HOMER1: variants seen among roughly 807,000 people sequenced by gnomAD.
HOMER1 encodes homer scaffold protein 1, also known as homer protein homolog 1.
In HOMER1, 3 loss-of-function variants were observed where a neutral mutation model predicts 48.9. That is an observed-to-expected ratio of 0.06 (90% CI 0.03 to 0.16). The LOEUF (loss-of-function observed/expected upper bound fraction) is 0.16. Ranked by LOEUF, HOMER1 falls within the 10% of genes least tolerant of loss-of-function variation. HOMER1 has a pLI of 1.00. For synonymous variants in HOMER1, 134 were observed against 146.4 expected (o/e 0.92, Z 0.61); for missense variants, 247 against 411.4 (o/e 0.60, Z 3.46).
chr5:79,447,160 A>T lies in HOMER1; in HGVS notation c.295-15T>A. On this transcript the variant is annotated splice_polypyrimidine_tract_variant and intron_variant, in intron 3 of 8. Coordinates refer to ENST00000334082, the MANE Select transcript of HOMER1 (RefSeq NM_004272.5). ...TTTTCTGCAAACTGAATGTATAGAG[A>T]CTACATACATTAACCAAATAAAAAT... 6.7e-7 allele frequency: 1 copy of T among 1,488,254 alleles called. No homozygotes were observed. The highest frequency in any genetic ancestry group is 9.4e-7 in the Non-Finnish European group (1 of 1,066,748). 92.2% of individuals were successfully genotyped at this position (1,488,254 alleles called of 1,614,324 possible). A position where few individuals can be genotyped will look rare whatever the true frequency, so the allele number is the denominator to read the frequency against.
At chr5:79,454,332 A>T (rs1479816210) in intron 2 of HOMER1, among the ~76,000 whole-genome samples, 1 of 152,108 alleles carries the variant, frequency 6.6e-6, no homozygotes, top group African/African-American at 2.4e-5. Context: ...CTAATAAAGG[A>T]GGATTGTTAT....
At chr5:79,465,279 G>A (rs1049637041) in intron 1 of HOMER1, among the ~76,000 whole-genome samples, 2 of 151,972 alleles carry the variant, frequency 1.3e-5, no homozygotes, top group Non-Finnish European at 2.9e-5. Flanking sequence ...AGGCTGCAGC[G>A]AGCTATGATT....
intron 1 of HOMER1, among the ~76,000 whole-genome samples, chr5:79,500,952 T>A (rs200298460): frequency 2.8e-5 from 3 of 108,560 alleles, no homozygotes; most frequent in African/African-American, 4.5e-5. Flanking sequence ...TGTGTGTGTG[T>A]GAGACAGACA....
chr5:79,411,795 T>C (rs1451280077), intron 5 of HOMER1, among the ~76,000 whole-genome samples: 2 of 152,030 alleles, frequency 1.3e-5, no homozygotes, highest in African/African-American at 4.8e-5. Flanking sequence ...CTGAGAAAAA[T>C]ATTCCGATAC....
At chr5:79,503,751 A>T (rs1363075192) in intron 1 of HOMER1, among the ~76,000 whole-genome samples, 2 of 151,964 alleles carry the variant, frequency 1.3e-5, no homozygotes, top group African/African-American at 2.4e-5. Context: ...GAAAGAAGAA[A>T]ATCATAAGTA....
At chr5:79,412,787 T>C (rs746853862) in intron 5 of HOMER1, among the ~76,000 whole-genome samples, 1 of 152,232 alleles carries the variant, frequency 6.6e-6, no homozygotes, top group East Asian at 1.9e-4. Flanking sequence ...TGAAGTTGTA[T>C]AGACAATGAT....
chr5:79,435,232 C>G (rs924644423), intron 5 of HOMER1, among the ~76,000 whole-genome samples: 1 of 152,122 alleles, frequency 6.6e-6, no homozygotes, highest in Non-Finnish European at 1.5e-5. Flanking sequence ...ACTTTCAGTG[C>G]TAAATGAAAA....
intron 3 of HOMER1, among the ~76,000 whole-genome samples, chr5:79,449,345 A>G (rs1327455442): frequency 6.6e-6 from 1 of 152,262 alleles, no homozygotes; most frequent in African/African-American, 2.4e-5. Context: ...TGGAAGGGCA[A>G]TGTTCAATGG....
At chr5:79,407,498 T>C (rs1166250209) in intron 5 of HOMER1, among the ~76,000 whole-genome samples, 4 of 152,136 alleles carry the variant, frequency 2.6e-5, no homozygotes, top group Admixed American at 1.3e-4. Flanking sequence ...CAATGAAAAC[T>C]ATGGGAAAGA....
chr5:79,412,519 G>T (rs996682843), intron 5 of HOMER1, among the ~76,000 whole-genome samples: 2 of 152,196 alleles, frequency 1.3e-5, no homozygotes, highest in Admixed American at 6.5e-5. Flanking sequence ...TCTCAGACTG[G>T]TTAATGTGTA....
At chr5:79,459,582 C>T (rs1382043504) in intron 1 of HOMER1, among the ~76,000 whole-genome samples, 1 of 151,924 alleles carries the variant, frequency 6.6e-6, no homozygotes, top group Non-Finnish European at 1.5e-5. Flanking sequence ...AACAGAATTC[C>T]TAGAAGTAAT....
intron 1 of HOMER1, among the ~76,000 whole-genome samples, chr5:79,512,377 T>G (rs903000969): frequency 3.3e-5 from 5 of 152,240 alleles, no homozygotes. Flanking sequence ...AAATCGTTCC[T>G]TTGTGCAACT....
intron 5 of HOMER1, among the ~76,000 whole-genome samples, chr5:79,423,030 G>T (rs1750147177): frequency 6.6e-6 from 1 of 151,958 alleles, no homozygotes; most frequent in South Asian, 2.1e-4. Context: ...CTTACATCAA[G>T]GACTGTAAGG....
intron 1 of HOMER1, among the ~76,000 whole-genome samples, chr5:79,462,609 T>C (rs1751344718): frequency 6.6e-6 from 1 of 152,144 alleles, no homozygotes; most frequent in East Asian, 1.9e-4. Context: ...GGCATCTGCG[T>C]AATAAGAAAG....
intron 5 of HOMER1, among the ~76,000 whole-genome samples, chr5:79,414,342 T>C: frequency 6.6e-6 from 1 of 150,878 alleles, no homozygotes; most frequent in Non-Finnish European, 1.5e-5. Flanking sequence ...CGATCCACCC[T>C]CCTCAGCCTC....
intron 8 of HOMER1, among the ~76,000 whole-genome samples, chr5:79,392,490 A>G (rs920786887): frequency 7.9e-5 from 12 of 152,234 alleles, no homozygotes; most frequent in Non-Finnish European, 5.9e-5. Flanking sequence ...CTAAGGATAT[A>G]AAGAAAATAG....
chr5:79,506,821 C>G (rs931224665), intron 1 of HOMER1, among the ~76,000 whole-genome samples: 1 of 150,560 alleles, frequency 6.6e-6, no homozygotes, highest in Non-Finnish European at 1.5e-5. Context: ...TGGGCCACTG[C>G]ACTGTCTCAA....
Position 79,375,266 on chromosome 5 carries a change from G to C in HOMER1, c.*743C>G, listed in dbSNP as rs1748739516. Reference sequence around the variant, plus strand: ...CTGAGGGACTCAGCTGCCTTCGTTAGTTGGCTTTAAAATGTGTAATAAAAT... The same window carrying C: ...CTGAGGGACTCAGCTGCCTTCGTTACTTGGCTTTAAAATGTGTAATAAAAT... On this transcript the variant is annotated 3_prime_UTR_variant, in exon 9 of 9. Transcript: ENST00000334082. 1 of 152,026 alleles carries C rather than the reference G, an allele frequency of 6.6e-6. No homozygotes were observed. The highest frequency in any genetic ancestry group is 2.4e-5 in the African/African-American group (1 of 41,430). 9.4% of individuals were successfully genotyped at this position (152,026 alleles called of 1,614,324 possible).
chr5:79,492,886 T>C (rs1262352016), intron 1 of HOMER1, among the ~76,000 whole-genome samples: 1 of 147,504 alleles, frequency 6.8e-6, no homozygotes, highest in Non-Finnish European at 1.5e-5. Context: ...TTCAGCAGAA[T>C]GAAGAAAACG....
Sources: gnomAD v4.1 joint callset for allele counts (sites outside exome capture counted in the v4.1 genomes callset) on GRCh38, gnomAD v4.1.1 for gene constraint, MANE v1.5 for transcripts, NCBI Gene and HGNC (gene_info 2026-07-23, HGNC 2026-07-21) for gene names.